Variants in DCC observed in about 807,000 individuals in gnomAD.
DCC encodes the protein DCC netrin 1 receptor.
DCC carries 58 observed loss-of-function variants against 172.5 expected under a neutral mutation model. The ratio of observed to expected loss-of-function variants is 0.34; its 90% CI spans 0.27 to 0.42. The LOEUF (loss-of-function observed/expected upper bound fraction) is 0.42, where lower values mean the gene tolerates loss of function less well. Ranked by LOEUF, DCC falls within the 10% of genes least tolerant of loss-of-function variation. The pLI is 1.00. For missense variants in DCC, 1,740 were observed against 1,791.0 expected, an observed-to-expected ratio of 0.97 and a Z score of 0.51; for synonymous variants, 709 against 644.5, an observed-to-expected ratio of 1.10 and a Z score of -1.52.
At chr18:53,080,247 C>A (rs1190240732) in intron 7 of DCC, among the ~76,000 whole-genome samples, 1 of 151,992 alleles carries the variant, frequency 6.6e-6, no homozygotes, top group East Asian at 1.9e-4. Context: ...TTCCTAAATT[C>A]TTGACTTAAC....
chr18:52,610,166 A>T lies in DCC; in HGVS notation c.92-141888A>T, dbSNP rs1426225065. ...CCATCTCTCATAAAAAAAAAAAAAAAAAAAAAAAAAAAATATATATATATA... is the reference window on the plus strand; with the variant it reads ...CCATCTCTCATAAAAAAAAAAAAAATAAAAAAAAAAAAATATATATATATA... On this transcript the variant is annotated intron_variant, in intron 1 of 28. Transcript: ENST00000442544. 5.9e-3 allele frequency among the ~76,000 whole-genome samples: 148 copies of T among 25,210 alleles called. 9 individuals carry two copies. Among genetic ancestry groups the T allele is most frequent in the Non-Finnish European group, 7.9e-3 (117 of 14,900 alleles). The allele number at this position is 25,210 out of a possible 152,430, so 16.5% of individuals were successfully genotyped here. A position where few individuals can be genotyped will look rare whatever the true frequency, so the allele number is the denominator to read the frequency against.
At chr18:52,894,708 T>G (rs1393115437) in intron 2 of DCC, among the ~76,000 whole-genome samples, 1 of 151,822 alleles carries the variant, frequency 6.6e-6, no homozygotes, top group Non-Finnish European at 1.5e-5. Context: ...AAAGTTCCAG[T>G]TCAAGTCTCA....
At chr18:53,267,520 C>T (rs79869144) in intron 12 of DCC, among the ~76,000 whole-genome samples, 2 of 151,876 alleles carry the variant, frequency 1.3e-5, no homozygotes, top group Admixed American at 1.3e-4. Flanking sequence ...TTCTCTGTCA[C>T]CCAGGGTAGA....
chr18:52,395,573 GAC>G (rs1409009121), intron 1 of DCC, among the ~76,000 whole-genome samples: 1 of 152,034 alleles, frequency 6.6e-6, no homozygotes, highest in Non-Finnish European at 1.5e-5. Flanking sequence ...CAGTTGGAGT[GAC>G]ACAGTTTTAA....
chr18:52,568,225 G>C (rs2033208216), intron 1 of DCC, among the ~76,000 whole-genome samples: 1 of 151,836 alleles, frequency 6.6e-6, no homozygotes, highest in Non-Finnish European at 1.5e-5. Context: ...ATTTTCCTTA[G>C]AAAAATAAAA....
chr18:52,391,832 C>G (rs2144350880), intron 1 of DCC, among the ~76,000 whole-genome samples: 1 of 152,228 alleles, frequency 6.6e-6, no homozygotes, highest in Non-Finnish European at 1.5e-5. Context: ...CCTGCTTATG[C>G]CATCATATGG....
intron 5 of DCC, among the ~76,000 whole-genome samples, chr18:53,009,255 G>T (rs936862291): frequency 6.6e-6 from 1 of 151,834 alleles, no homozygotes; most frequent in Non-Finnish European, 1.5e-5. Context: ...GTATTTATAA[G>T]CTTTTATTAT....
intron 12 of DCC, among the ~76,000 whole-genome samples, chr18:53,276,799 A>C (rs979727101): frequency 6.6e-5 from 10 of 152,166 alleles, no homozygotes; most frequent in Admixed American, 2.0e-4. Context: ...TTTGGGTTTA[A>C]GGTAGTAAAG....
chr18:52,837,805 T>G (rs1237287000), intron 2 of DCC, among the ~76,000 whole-genome samples: 1 of 152,200 alleles, frequency 6.6e-6, no homozygotes, highest in East Asian at 1.9e-4. Flanking sequence ...CATGCTTCTA[T>G]AAAGATCTGC....
At chr18:52,507,219 G>T (rs758615603) in intron 1 of DCC, among the ~76,000 whole-genome samples, 1 of 152,070 alleles carries the variant, frequency 6.6e-6, no homozygotes, top group Non-Finnish European at 1.5e-5. Context: ...TTATTAATGT[G>T]AGCCAATCAG....
At chr18:52,954,995 T>C (rs900693900) in intron 5 of DCC, among the ~76,000 whole-genome samples, 5 of 152,180 alleles carry the variant, frequency 3.3e-5, no homozygotes, top group Admixed American at 6.5e-5. Context: ...CCTTCCTCAC[T>C]ATGACCATCC....
At chr18:52,721,138 C>T (rs2036467705) in intron 1 of DCC, among the ~76,000 whole-genome samples, 1 of 152,120 alleles carries the variant, frequency 6.6e-6, no homozygotes, top group Admixed American at 6.5e-5. Context: ...TAGCAGAGGG[C>T]CTCAGTGCCC....
At chr18:52,402,374 G>A (rs971049788) in intron 1 of DCC, among the ~76,000 whole-genome samples, 3 of 151,844 alleles carry the variant, frequency 2.0e-5, no homozygotes, top group East Asian at 1.9e-4. Flanking sequence ...GGCCTCTATC[G>A]CATGTTTTCA....
chr18:53,383,000 G>A (rs1288656826), intron 15 of DCC, among the ~76,000 whole-genome samples: 1 of 151,956 alleles, frequency 6.6e-6, no homozygotes, highest in Non-Finnish European at 1.5e-5. Context: ...CCCAGATACA[G>A]AAAACCACAT....
At chr18:52,567,577 C>T (rs1471414527) in intron 1 of DCC, among the ~76,000 whole-genome samples, 1 of 152,078 alleles carries the variant, frequency 6.6e-6, no homozygotes, top group African/African-American at 2.4e-5. Context: ...AAGACAAATA[C>T]CACATGTTTT....
intron 1 of DCC, among the ~76,000 whole-genome samples, chr18:52,550,865 T>G (rs1568225049): frequency 6.6e-6 from 1 of 151,968 alleles, no homozygotes; most frequent in Admixed American, 6.6e-5. Context: ...CTGTACGATC[T>G]TCACAACTTT....
chr18:52,867,148 T>C (rs1423877279), intron 2 of DCC, among the ~76,000 whole-genome samples: 1 of 152,238 alleles, frequency 6.6e-6, no homozygotes, highest in Non-Finnish European at 1.5e-5. Flanking sequence ...ATGTGGTTTT[T>C]GTCATTGGTT....
chr18:52,678,368 TGTGG>T (rs1414986404), intron 1 of DCC, among the ~76,000 whole-genome samples: 1 of 152,178 alleles, frequency 6.6e-6, no homozygotes, highest in Non-Finnish European at 1.5e-5. Flanking sequence ...TCCTGAGCCC[TGTGG>T]GTTTTGTCCC....
At chr18:52,970,917 A>G (rs1227461587) in intron 5 of DCC, among the ~76,000 whole-genome samples, 1 of 152,174 alleles carries the variant, frequency 6.6e-6, no homozygotes, top group Non-Finnish European at 1.5e-5. Flanking sequence ...GCATCTTCAT[A>G]ACTCTGGCTC....
Sources: allele counts gnomAD v4.1 joint callset (sites outside exome capture counted in the v4.1 genomes callset), GRCh38; gene constraint gnomAD v4.1.1; transcripts MANE v1.5; gene names NCBI Gene and HGNC (gene_info 2026-07-23, HGNC 2026-07-21).